The following RTP2 variants were observed in gnomAD, a reference collection of about 807,000 sequenced individuals.
RTP2 encodes receptor-transporting protein 2.
A neutral mutation model predicts 17.9 loss-of-function variants in RTP2; 12 were observed. That is an observed-to-expected ratio of 0.67 (90% CI 0.43 to 1.09). The LOEUF is 1.09. Among genes scored for constraint, RTP2 ranks in the 50% least tolerant of loss-of-function variants. The probability of loss-of-function intolerance (pLI) is 0.00; values close to 1 mark genes in which losing one functional copy is unlikely to be tolerated. For synonymous variants in RTP2, 126 were observed against 117.7 expected, an observed-to-expected ratio of 1.07 and a Z score of -0.46; for missense variants, 327 against 295.7, an observed-to-expected ratio of 1.11 and a Z score of -0.78.
chr3:187,704,950 G>A (rs1222523534), upstream of RTP2, among the ~76,000 whole-genome samples: 1 of 152,144 alleles, frequency 6.6e-6, no homozygotes, highest in Non-Finnish European at 1.5e-5. Flanking sequence ...GCAACTGCAG[G>A]CAAGTGACAT....
chr3:187,702,920 C>T (rs1175471859), upstream of RTP2, among the ~76,000 whole-genome samples: 2 of 152,030 alleles, frequency 1.3e-5, no homozygotes, highest in African/African-American at 2.4e-5. Context: ...AGATTCATAG[C>T]GTCATAGAAC....
chr3:187,713,179 G>A, the RTP2 span, among the ~76,000 whole-genome samples: 1 of 152,198 alleles, frequency 6.6e-6, no homozygotes, highest in Non-Finnish European at 1.5e-5. Flanking sequence ...AGCCGTCCAG[G>A]GACACGGGCC....
At chr3:187,701,554 A>T (rs527524348) in intron 1 of RTP2, among the ~76,000 whole-genome samples, 1 of 152,300 alleles carries the variant, frequency 6.6e-6, no homozygotes, top group East Asian at 1.9e-4. Flanking sequence ...ATCAAATTGG[A>T]TTAATTCACT....
the RTP2 span, among the ~76,000 whole-genome samples, chr3:187,707,711 G>T: frequency 6.6e-6 from 1 of 152,156 alleles, no homozygotes; most frequent in Non-Finnish European, 1.5e-5. Context: ...AATCGTTTTA[G>T]GCCTGAACTA....
the RTP2 span, among the ~76,000 whole-genome samples, chr3:187,713,826 T>C: frequency 4.6e-5 from 7 of 152,280 alleles, no homozygotes; most frequent in African/African-American, 1.7e-4. Flanking sequence ...GATCCTTTTG[T>C]TACTTGGGTG....
chr3:187,703,804 A>C (rs541626836), upstream of RTP2, among the ~76,000 whole-genome samples: 3 of 152,248 alleles, frequency 2.0e-5, no homozygotes, highest in Non-Finnish European at 4.4e-5. Flanking sequence ...AATGGCAATA[A>C]AGGAAAAACA....
chr3:187,698,461 A>G (rs2108540502), exon 2 of RTP2: 2 of 1,547,964 alleles, frequency 1.3e-6, no homozygotes, highest in East Asian at 4.5e-5. Context: ...CCCCACTCTC[A>G]AGCCCATGTG....
exon 2 of RTP2, chr3:187,698,501 AAAG>A: frequency 6.2e-7 from 1 of 1,603,260 alleles, no homozygotes; most frequent in East Asian, 2.2e-5. Context: ...AGCTCCACTA[AAAG>A]AAGGCAGGAC....
the RTP2 span, among the ~76,000 whole-genome samples, chr3:187,714,158 C>T: frequency 2.0e-5 from 3 of 152,158 alleles, no homozygotes; most frequent in Non-Finnish European, 4.4e-5. Context: ...TAAGTGAACC[C>T]TTGGAGATGA....
the RTP2 span, among the ~76,000 whole-genome samples, chr3:187,709,934 A>G: frequency 6.6e-6 from 1 of 152,278 alleles, no homozygotes; most frequent in Non-Finnish European, 1.5e-5. Context: ...GAATAATTTT[A>G]TATGTCAACT....
chr3:187,712,122 CAT>C, the RTP2 span, among the ~76,000 whole-genome samples: 9 of 152,152 alleles, frequency 5.9e-5, no homozygotes, highest in South Asian at 2.1e-4. Context: ...CACACACACA[CAT>C]ACGCACATAC....
chr3:187,706,164 T>C (rs1717985810), upstream of RTP2, among the ~76,000 whole-genome samples: 1 of 152,206 alleles, frequency 6.6e-6, no homozygotes, highest in South Asian at 2.1e-4. Context: ...AATGCTTTCT[T>C]ACTCCCAAGG....
At chr3:187,703,796 T>C (rs1055534434), upstream of RTP2, among the ~76,000 whole-genome samples, 7 of 151,806 alleles carry the variant, frequency 4.6e-5, no homozygotes, top group African/African-American at 1.7e-4. Flanking sequence ...CCAGAACAAA[T>C]GGCAATAAAG....
the RTP2 span, among the ~76,000 whole-genome samples, chr3:187,710,512 C>T: frequency 3.4e-5 from 5 of 145,186 alleles, no homozygotes; most frequent in Non-Finnish European, 5.9e-5. Flanking sequence ...TATGGTTCTC[C>T]ATATATTTAG....
chr3:187,711,542 CT>C, the RTP2 span, among the ~76,000 whole-genome samples: 1 of 152,196 alleles, frequency 6.6e-6, no homozygotes, highest in Non-Finnish European at 1.5e-5. Context: ...AGAATGTGGT[CT>C]GTATGGCACC....
At chr3:187,711,857 A>G in the RTP2 span, among the ~76,000 whole-genome samples, 13 of 152,252 alleles carry the variant, frequency 8.5e-5, no homozygotes, top group Admixed American at 2.0e-4. Flanking sequence ...CTTGGCACAT[A>G]GTGAGTGCTC....
exon 2 of RTP2, chr3:187,698,656 C>T (rs1717753101): frequency 1.9e-6 from 3 of 1,614,108 alleles, no homozygotes; most frequent in Admixed American, 3.3e-5. Flanking sequence ...GTCACCTCCT[C>T]CTCCAGCAGC....
At chr3:187,704,821 G>A (rs1717950223), upstream of RTP2, among the ~76,000 whole-genome samples, 1 of 152,200 alleles carries the variant, frequency 6.6e-6, no homozygotes, top group African/African-American at 2.4e-5. Context: ...GGTGGGAGCT[G>A]ACCTCTGAAT....
exon 2 of RTP2, chr3:187,698,507 G>C (rs1456067224): frequency 2.5e-6 from 4 of 1,608,052 alleles, no homozygotes; most frequent in Non-Finnish European, 1.7e-6. Context: ...ACTAAAAGAA[G>C]GCAGGACTGA....
Sources: allele counts gnomAD v4.1 joint callset (sites outside exome capture counted in the v4.1 genomes callset), GRCh38; gene constraint gnomAD v4.1.1; transcripts MANE v1.5; gene names NCBI Gene and HGNC (gene_info 2026-07-23, HGNC 2026-07-21).